The following ZDHHC3 variants were observed in gnomAD, a reference collection of about 807,000 sequenced individuals.
ZDHHC3 encodes the protein zDHHC palmitoyltransferase 3.
ZDHHC3 carries 9 observed loss-of-function variants against 30.6 expected under a neutral mutation model. The ratio of observed to expected loss-of-function variants is 0.29; its 90% CI spans 0.18 to 0.51. The LOEUF (loss-of-function observed/expected upper bound fraction) is 0.51. ZDHHC3 is among the 20% of genes least tolerant of loss of function. The probability of loss-of-function intolerance (pLI) is 0.97; values close to 1 mark genes in which losing one functional copy is unlikely to be tolerated. For synonymous variants in ZDHHC3, 136 were observed against 140.2 expected (o/e 0.97, Z 0.21); for missense variants, 246 against 384.2 (o/e 0.64, Z 3.01).
chr3:44,959,225 C>G lies in ZDHHC3; in HGVS notation c.212G>C (p.Arg71Pro). ...VVLFVMLIPS[R>P]DYVYSIINGI... ...GTTGATGATGCTATACACGTAGTCTCGAGATGGAATCAGCATGACAAAGAG... is the reference window on the plus strand; with the variant it reads ...GTTGATGATGCTATACACGTAGTCTGGAGATGGAATCAGCATGACAAAGAG... The change falls in exon 2 of 7, where the codon CGA becomes CCA. Residue 71 changes from arginine to proline, a missense_variant. Physicochemically the swap from Arg to Pro is moderately radical, Grantham distance 103. Transcript: ENST00000424952. This position sits in a 1 kb window ranked among gnomAD's most constrained non-coding sequence, Gnocchi z 4.3. 6.2e-7 allele frequency: 1 copy of G among 1,614,226 alleles called. No homozygotes were observed. The highest frequency in any genetic ancestry group is 2.2e-5 in the East Asian group (1 of 44,888).
At chr3:44,950,287 C>T (rs1197064502) in intron 2 of ZDHHC3, among the ~76,000 whole-genome samples, 1 of 152,212 alleles carries the variant, frequency 6.6e-6, no homozygotes, top group Non-Finnish European at 1.5e-5. Context: ...AGCAACGAGG[C>T]TTGAGTTTTC....
In ZDHHC3 at chr3:44,926,855, C is replaced by T. The variant is rs916442117; in HGVS notation, c.742-8G>A. The T allele has an allele frequency of 5.0e-6, 8 of 1,596,476 alleles. No individual in the cohort carries two copies. The African/African-American group carries it at 8.1e-5, about 16-fold the overall frequency. ...TTTCAATTGTTCTATTCCCTGAAAA[C>T]AAGAACAATCATACTTTCAGTCAAG... is the stretch of plus-strand genomic sequence containing the variant. On this transcript the variant is annotated splice_polypyrimidine_tract_variant and splice_region_variant and intron_variant, in intron 6 of 6. Coordinates refer to ENST00000424952, the MANE Select transcript of ZDHHC3 (RefSeq NM_001135179.2).
rs2125777221 is a variant in ZDHHC3 at position 44,919,343 on chromosome 3, C to T, written c.*7346G>A. 1 of 155,748 alleles carries T rather than the reference C, an allele frequency of 6.4e-6. No homozygotes were observed. Among genetic ancestry groups the T allele is most frequent in the Non-Finnish European group, 1.4e-5 (1 of 71,210 alleles). 9.6% of individuals were successfully genotyped at this position (155,748 alleles called of 1,614,324 possible). A position where few individuals can be genotyped will look rare whatever the true frequency, so the allele number is the denominator to read the frequency against. On this transcript the variant is annotated 3_prime_UTR_variant, in exon 7 of 7. Transcript: ENST00000424952. ...CCCAAATGCCTAACCTCAATCTAATCATGAGAAAAACATCAAAAACACAAT... is the reference window on the plus strand; with the variant it reads ...CCCAAATGCCTAACCTCAATCTAATTATGAGAAAAACATCAAAAACACAAT...
At chr3:44,949,818 A>T (rs1171410852) in intron 2 of ZDHHC3, among the ~76,000 whole-genome samples, 1 of 151,946 alleles carries the variant, frequency 6.6e-6, no homozygotes, top group Non-Finnish European at 1.5e-5. Context: ...TCAAGCCCAA[A>T]GGGCCTTATT....
chr3:44,926,637 G>T lies in ZDHHC3; in HGVS notation c.*52C>A. The T allele has an allele frequency of 6.7e-7, 1 of 1,496,926 alleles. No homozygotes were observed. The highest frequency in any genetic ancestry group is 8.9e-7 in the Non-Finnish European group (1 of 1,124,350). 92.7% of individuals were successfully genotyped at this position (1,496,926 alleles called of 1,614,324 possible). On this transcript the variant is annotated 3_prime_UTR_variant, in exon 7 of 7. Transcript: ENST00000424952. ...AACATTCATGAGAACGGATGGGACG[G>T]TAGTGCTGTGGTGTGGACTTGTGTC...
intron 3 of ZDHHC3, among the ~76,000 whole-genome samples, chr3:44,941,719 C>T (rs1364251245): frequency 6.7e-6 from 1 of 149,856 alleles, no homozygotes; most frequent in Non-Finnish European, 1.5e-5. Flanking sequence ...TGTCTTGGGC[C>T]ACACAAAATA....
rs1700623085 is a variant in ZDHHC3 at position 44,921,944 on chromosome 3, C to T, written c.*4745G>A. 1 of 985,452 alleles carries T rather than the reference C, an allele frequency of 1.0e-6. No homozygotes were observed. The highest frequency in any genetic ancestry group is 4.7e-5 in the South Asian group (1 of 21,288). 61.0% of individuals were successfully genotyped at this position (985,452 alleles called of 1,614,324 possible). A position where few individuals can be genotyped will look rare whatever the true frequency, so the allele number is the denominator to read the frequency against. ...CGAACGTCCCTCTGCAGCGCTTGTC[C>T]TCACTCCTTGGATCAGCTTCATCGG... On this transcript the variant is annotated 3_prime_UTR_variant, in exon 7 of 7. Transcript: ENST00000424952.
chr3:44,929,197 G>C, intron 6 of ZDHHC3, 109 bp downstream of exon 6: 2 of 1,413,610 alleles, frequency 1.4e-6, no homozygotes, highest in Non-Finnish European at 1.9e-6. Flanking sequence ...CACACCAGGG[G>C]CCTGACCACT....
intron 6 of ZDHHC3, 51 bp downstream of exon 6, chr3:44,929,255 G>T: frequency 6.2e-7 from 1 of 1,602,914 alleles, no homozygotes; most frequent in Non-Finnish European, 8.5e-7. Context: ...ACTGACCCTG[G>T]GTCCTCCCCA....
At chr3:44,935,866 A>G (rs909766603) in intron 3 of ZDHHC3, among the ~76,000 whole-genome samples, 3 of 152,244 alleles carry the variant, frequency 2.0e-5, no homozygotes, top group Admixed American at 6.5e-5. Context: ...AAATCAACCC[A>G]AAATGGATTA....
intron 6 of ZDHHC3, among the ~76,000 whole-genome samples, chr3:44,927,238 G>A (rs567362390): frequency 1.2e-4 from 18 of 152,304 alleles, no homozygotes; most frequent in Admixed American, 4.6e-4. Flanking sequence ...AGGCTTTGGC[G>A]TGAGAGGCCT....
Position 44,959,544 on chromosome 3 carries a change from G to T in ZDHHC3, c.-24-84C>A. Reference sequence around the variant, plus strand: ...GACAAAATTGCTCCCATAGTGAGTTGTGATTACTTATCTGCAACCCCTGTG... The same window carrying T: ...GACAAAATTGCTCCCATAGTGAGTTTTGATTACTTATCTGCAACCCCTGTG... On this transcript the variant is annotated intron_variant, in intron 1 of 6. Transcript: ENST00000424952. The surrounding 1 kb of genome is among the most constrained non-coding windows in gnomAD (Gnocchi z 4.3). 1 of 1,228,188 alleles carries T rather than the reference G, an allele frequency of 8.1e-7. No homozygotes were observed. The highest frequency in any genetic ancestry group is 1.1e-6 in the Non-Finnish European group (1 of 877,404). The allele number at this position is 1,228,188 out of a possible 1,614,324, so 76.1% of individuals were successfully genotyped here.
chr3:44,923,917 T>C lies in ZDHHC3; in HGVS notation c.*2772A>G, dbSNP rs753748311. 30 of 985,354 alleles carry C rather than the reference T, an allele frequency of 3.0e-5. No individual in the cohort carries two copies. The highest frequency in any genetic ancestry group is 6.1e-5 in the Admixed American group (1 of 16,268). 61.0% of individuals were successfully genotyped at this position (985,354 alleles called of 1,614,324 possible). ...TGTGTACATGATATTACCAAGCCCA[T>C]GCAAATATGCATAGATTATAGATTT... On this transcript the variant is annotated 3_prime_UTR_variant, in exon 7 of 7. Coordinates refer to ENST00000424952, the MANE Select transcript of ZDHHC3 (RefSeq NM_001135179.2).
intron 1 of ZDHHC3, among the ~76,000 whole-genome samples, chr3:44,962,219 C>G (rs941913292): frequency 6.6e-6 from 1 of 152,160 alleles, no homozygotes; most frequent in Non-Finnish European, 1.5e-5. Flanking sequence ...AATTTTAGAG[C>G]AATTCTCCTT....
intron 2 of ZDHHC3, chr3:44,958,662 T>G: frequency 1.3e-6 from 2 of 1,536,104 alleles, no homozygotes; most frequent in Non-Finnish European, 1.7e-6. Context: ...CCAAGCAAAG[T>G]GAAGGCCATT....
chr3:44,946,777 G>C (rs1334251101), intron 2 of ZDHHC3, among the ~76,000 whole-genome samples: 1 of 152,204 alleles, frequency 6.6e-6, no homozygotes, highest in African/African-American at 2.4e-5. Flanking sequence ...GAGAATATCA[G>C]TGTGCTGAAC....
In ZDHHC3 at chr3:44,920,510, A is replaced by C. The variant is rs1700518755; in HGVS notation, c.*6179T>G. The C allele has an allele frequency of 1.0e-6, 1 of 985,392 alleles. No homozygotes were observed. The highest frequency in any genetic ancestry group is 4.7e-5 in the South Asian group (1 of 21,282). The allele number at this position is 985,392 out of a possible 1,614,324, so 61.0% of individuals were successfully genotyped here. On this transcript the variant is annotated 3_prime_UTR_variant, in exon 7 of 7. Coordinates refer to ENST00000424952, the MANE Select transcript of ZDHHC3 (RefSeq NM_001135179.2). Reference sequence around the variant, plus strand: ...GCCTCCTTGTGAGGAGGTGGGTATGAGTATTGATGATTGGCAGATGGGGAA... The same window carrying C: ...GCCTCCTTGTGAGGAGGTGGGTATGCGTATTGATGATTGGCAGATGGGGAA...
chr3:44,933,023 C>T, intron 5 of ZDHHC3, 95 bp downstream of exon 5: 1 of 1,613,712 alleles, frequency 6.2e-7, no homozygotes, highest in Non-Finnish European at 8.5e-7. Context: ...GAGGTTGGCC[C>T]CTGGCACCAT....
intron 3 of ZDHHC3, among the ~76,000 whole-genome samples, chr3:44,944,803 A>G (rs189571617): frequency 1.3e-5 from 2 of 152,346 alleles, no homozygotes; most frequent in African/African-American, 2.4e-5. Flanking sequence ...ATGATTTTCT[A>G]AAGCTTTTTC....
Sources: gnomAD v4.1 joint callset for allele counts (sites outside exome capture counted in the v4.1 genomes callset) on GRCh38, gnomAD v4.1.1 for gene constraint, Gnocchi (gnomAD v3.1) non-coding constraint, MANE v1.5 for transcripts, NCBI Gene and HGNC (gene_info 2026-07-23, HGNC 2026-07-21) for gene names.